Variants in BLTP3A observed in about 807,000 individuals in gnomAD.
The protein encoded by BLTP3A is ICBP90 binding protein 1.
the BLTP3A span, chr6:34,871,873 C>T: frequency 1.2e-6 from 2 of 1,614,182 alleles, no homozygotes; most frequent in Non-Finnish European, 1.7e-6. Flanking sequence ...AAGAGACAGC[C>T]CCCAAAAGAA....
chr6:34,817,467 CCTA>C, the BLTP3A span, among the ~76,000 whole-genome samples: 4 of 151,384 alleles, frequency 2.6e-5, no homozygotes, highest in South Asian at 8.3e-4. Flanking sequence ...ATTATTAACT[CCTA>C]CTGTTTCATG....
the BLTP3A span, chr6:34,858,524 C>T: frequency 1.9e-6 from 3 of 1,614,180 alleles, no homozygotes; most frequent in Admixed American, 1.7e-5. Flanking sequence ...GCCCCCTTCC[C>T]CCTGTCCATT....
the BLTP3A span, chr6:34,871,594 CCCCCATCTATCCAACATCTCCAGG>C: frequency 6.2e-7 from 1 of 1,612,836 alleles, no homozygotes; most frequent in Non-Finnish European, 8.5e-7. Flanking sequence ...GATGATATCC[CCCCCATCTATCCAACATCTCCAGG>C]CCCCATCCCC....
the BLTP3A span, chr6:34,855,838 T>A: frequency 6.7e-7 from 1 of 1,488,578 alleles, no homozygotes; most frequent in East Asian, 2.4e-5. Context: ...GCTGGAAATA[T>A]CCCTCTTCAA....
the BLTP3A span, among the ~76,000 whole-genome samples, chr6:34,838,917 C>T: frequency 2.0e-4 from 30 of 152,120 alleles, no homozygotes; most frequent in East Asian, 5.0e-3. Flanking sequence ...GGTGACAGAG[C>T]GAGACCCAAT....
chr6:34,805,449 C>T, the BLTP3A span, among the ~76,000 whole-genome samples: 1 of 151,696 alleles, frequency 6.6e-6, no homozygotes, highest in Non-Finnish European at 1.5e-5. Context: ...AAACATTAGC[C>T]AGGCATGGTG....
the BLTP3A span, among the ~76,000 whole-genome samples, chr6:34,862,147 G>C: frequency 1.3e-5 from 2 of 152,108 alleles, no homozygotes; most frequent in Non-Finnish European, 2.9e-5. Context: ...GGGGGGCCAA[G>C]GCAGGCAGAT....
chr6:34,865,624 C>T, the BLTP3A span, among the ~76,000 whole-genome samples: 1 of 152,144 alleles, frequency 6.6e-6, no homozygotes, highest in Non-Finnish European at 1.5e-5. Context: ...CCATAATGCC[C>T]ATATTAATTT....
chr6:34,814,073 G>C, the BLTP3A span, among the ~76,000 whole-genome samples: 1 of 151,970 alleles, frequency 6.6e-6, no homozygotes, highest in South Asian at 2.1e-4. Flanking sequence ...CTGGAGTGCA[G>C]TGGGACAATC....
the BLTP3A span, chr6:34,857,041 G>A: frequency 7.4e-7 from 1 of 1,349,096 alleles, no homozygotes; most frequent in Non-Finnish European, 1.0e-6. Flanking sequence ...CTCACTTCTG[G>A]GAAGATTAAT....
At chr6:34,864,256 G>A in the BLTP3A span, 2 of 1,510,020 alleles carry the variant, frequency 1.3e-6, no homozygotes, top group Non-Finnish European at 1.8e-6. Context: ...TCTCTCTGCT[G>A]CCTGTATCAG....
chr6:34,853,848 C>T, the BLTP3A span, among the ~76,000 whole-genome samples: 9 of 152,258 alleles, frequency 5.9e-5, no homozygotes, highest in African/African-American at 2.2e-4. Context: ...AGGCATGAGC[C>T]ACGGTGCCTG....
At chr6:34,865,963 C>A in the BLTP3A span, among the ~76,000 whole-genome samples, 1 of 152,188 alleles carries the variant, frequency 6.6e-6, no homozygotes, top group Non-Finnish European at 1.5e-5. Flanking sequence ...GTAATCCCAG[C>A]CTTTTGGGAG....
the BLTP3A span, among the ~76,000 whole-genome samples, chr6:34,794,006 A>G: frequency 7.9e-5 from 12 of 152,218 alleles, no homozygotes; most frequent in South Asian, 1.7e-3. Flanking sequence ...ACTAAAATAC[A>G]GAAATTAGCC....
the BLTP3A span, among the ~76,000 whole-genome samples, chr6:34,793,112 C>T: frequency 6.6e-6 from 1 of 152,112 alleles, no homozygotes; most frequent in Non-Finnish European, 1.5e-5. Flanking sequence ...GCTTTGCAGC[C>T]TTTTATTAAG....
chr6:34,821,554 T>C, the BLTP3A span: 1 of 1,196,984 alleles, frequency 8.4e-7, no homozygotes, highest in Non-Finnish European at 1.2e-6. Context: ...AAATGTTCTT[T>C]AATTTTTTCT....
the BLTP3A span, among the ~76,000 whole-genome samples, chr6:34,795,791 A>G: frequency 1.3e-5 from 2 of 152,188 alleles, no homozygotes. Context: ...TAGATGAAGT[A>G]GGAATAAGTA....
chr6:34,853,752 A>G, the BLTP3A span, among the ~76,000 whole-genome samples: 3 of 151,626 alleles, frequency 2.0e-5, no homozygotes, highest in African/African-American at 7.3e-5. Flanking sequence ...GTAGAGACGA[A>G]GTTTCATCAT....
At chr6:34,823,868 G>A in the BLTP3A span, among the ~76,000 whole-genome samples, 1 of 152,024 alleles carries the variant, frequency 6.6e-6, no homozygotes, top group Non-Finnish European at 1.5e-5. Flanking sequence ...CTGCCAGTTT[G>A]TGTATGTGTA....
Sources: allele counts gnomAD v4.1 joint callset (sites outside exome capture counted in the v4.1 genomes callset), GRCh38; gene constraint gnomAD v4.1.1; transcripts MANE v1.5; gene names NCBI Gene and HGNC (gene_info 2026-07-23, HGNC 2026-07-21).